Variants in DCC observed in about 807,000 individuals in gnomAD.
DCC encodes DCC netrin 1 receptor, also known as netrin receptor DCC.
DCC carries 58 observed loss-of-function variants against 172.5 expected under a neutral mutation model. That is an observed-to-expected ratio of 0.34 (90% CI 0.27 to 0.42). The LOEUF (loss-of-function observed/expected upper bound fraction) is 0.42, where lower values mean the gene tolerates loss of function less well. Ranked by LOEUF, DCC falls within the 10% of genes least tolerant of loss-of-function variation. DCC has a pLI of 1.00. For synonymous variants in DCC, 709 were observed against 644.5 expected, an observed-to-expected ratio of 1.10 and a Z score of -1.52; for missense variants, 1,740 against 1,791.0, an observed-to-expected ratio of 0.97 and a Z score of 0.51.
intron 7 of DCC, among the ~76,000 whole-genome samples, chr18:53,128,633 G>A (rs1302718665): frequency 6.6e-6 from 1 of 151,550 alleles, no homozygotes; most frequent in Non-Finnish European, 1.5e-5. Flanking sequence ...TAGTTTTATT[G>A]TTATTAAAGA....
intron 1 of DCC, among the ~76,000 whole-genome samples, chr18:52,648,990 A>T (rs376036660): frequency 6.6e-6 from 1 of 152,296 alleles, no homozygotes; most frequent in Admixed American, 6.5e-5. Context: ...CCATGCAGAA[A>T]AATGCACATT....
intron 15 of DCC, among the ~76,000 whole-genome samples, chr18:53,355,455 A>G (rs1234057232): frequency 6.6e-6 from 1 of 152,138 alleles, no homozygotes; most frequent in East Asian, 1.9e-4. Flanking sequence ...TTTGCTGAGC[A>G]GTGGTTTGTA....
intron 1 of DCC, among the ~76,000 whole-genome samples, chr18:52,664,463 TC>T (rs2035423579): frequency 7.4e-6 from 1 of 134,762 alleles, no homozygotes; most frequent in African/African-American, 2.8e-5. Flanking sequence ...TTTTTTCTTT[TC>T]TTTTTCTTTT....
chr18:52,659,256 C>A (rs2035312667), intron 1 of DCC, among the ~76,000 whole-genome samples: 1 of 152,036 alleles, frequency 6.6e-6, no homozygotes, highest in Non-Finnish European at 1.5e-5. Flanking sequence ...CAGAAATAAA[C>A]CTCTCATTTG....
intron 12 of DCC, among the ~76,000 whole-genome samples, chr18:53,217,318 C>CATGT (rs1279363858): frequency 1.3e-3 from 89 of 67,396 alleles, no homozygotes; most frequent in Non-Finnish European, 2.6e-3. Context: ...TATACACACA[C>CATGT]ACACACACAC....
At chr18:52,868,874 GCAGGAAGCTC>G (rs1340345388) in intron 2 of DCC, among the ~76,000 whole-genome samples, 1 of 152,200 alleles carries the variant, frequency 6.6e-6, no homozygotes, top group African/African-American at 2.4e-5. Flanking sequence ...CTGCCATGGG[GCAGGAAGCTC>G]CAGGTGCCAG....
chr18:52,529,727 A>C (rs2032091316), intron 1 of DCC, among the ~76,000 whole-genome samples: 1 of 152,232 alleles, frequency 6.6e-6, no homozygotes, highest in Admixed American at 6.5e-5. Context: ...TGCAGATATA[A>C]GAATTATCCT....
At chr18:53,382,365 C>A (rs1907827488) in intron 15 of DCC, among the ~76,000 whole-genome samples, 1 of 151,962 alleles carries the variant, frequency 6.6e-6, no homozygotes, top group African/African-American at 2.4e-5. Flanking sequence ...AAAAAGTGTA[C>A]TTTTTGATCT....
chr18:52,980,283 A>T (rs2041188786), intron 5 of DCC, among the ~76,000 whole-genome samples: 1 of 151,176 alleles, frequency 6.6e-6, no homozygotes. Context: ...ATTTTATTTT[A>T]TTTTTTTTTA....
chr18:52,413,349 A>C (rs1462716934), intron 1 of DCC, among the ~76,000 whole-genome samples: 1 of 151,478 alleles, frequency 6.6e-6, no homozygotes, highest in Non-Finnish European at 1.5e-5. Flanking sequence ...CTTTTTCTGT[A>C]GCTATGTCTA....
intron 1 of DCC, among the ~76,000 whole-genome samples, chr18:52,617,710 T>A (rs974872266): frequency 5.3e-5 from 8 of 152,308 alleles, no homozygotes; most frequent in African/African-American, 7.2e-5. Context: ...TACTTTTTTT[T>A]AAATATCACT....
intron 5 of DCC, among the ~76,000 whole-genome samples, chr18:52,974,586 A>C (rs547494388): frequency 6.6e-6 from 1 of 152,302 alleles, no homozygotes; most frequent in East Asian, 1.9e-4. Flanking sequence ...GTAGAATCTA[A>C]TGCAGGGAGG....
At chr18:52,864,710 T>C (rs923983828) in intron 2 of DCC, among the ~76,000 whole-genome samples, 3 of 147,248 alleles carry the variant, frequency 2.0e-5, no homozygotes, top group Admixed American at 6.9e-5. Flanking sequence ...CAGGCCCCAG[T>C]GTGTGTTGTT....
intron 2 of DCC, among the ~76,000 whole-genome samples, chr18:52,850,118 G>A (rs112648558): frequency 6.6e-6 from 1 of 152,156 alleles, no homozygotes; most frequent in East Asian, 1.9e-4. Context: ...TTAAGCTACA[G>A]ATTTATTTCT....
At chr18:52,463,141 T>A (rs1233417470) in intron 1 of DCC, among the ~76,000 whole-genome samples, 2 of 152,196 alleles carry the variant, frequency 1.3e-5, no homozygotes, top group Admixed American at 1.3e-4. Context: ...TTATATATAT[T>A]TTCTGTTTTA....
chr18:53,208,475 A>G (rs116896720), intron 11 of DCC, among the ~76,000 whole-genome samples: 1,590 of 149,810 alleles, frequency 0.011, 8 homozygotes, highest in Non-Finnish European at 0.016. Context: ...TCCCCCATCT[A>G]AAAGTGTGCA....
intron 5 of DCC, among the ~76,000 whole-genome samples, chr18:52,938,160 G>T (rs754284152): frequency 1.3e-5 from 2 of 152,114 alleles, no homozygotes; most frequent in African/African-American, 2.4e-5. Context: ...CTTGGCTGAG[G>T]TCAGTGACTC....
chr18:52,594,626 A>T (rs2033869408), intron 1 of DCC, among the ~76,000 whole-genome samples: 2 of 152,200 alleles, frequency 1.3e-5, no homozygotes, highest in African/African-American at 4.8e-5. Flanking sequence ...AAAGAGGTTT[A>T]ATTGGCTCAC....
intron 5 of DCC, among the ~76,000 whole-genome samples, chr18:52,969,583 CA>C (rs1374213346): frequency 1.7e-3 from 53 of 30,636 alleles, no homozygotes; most frequent in African/African-American, 3.0e-3. Flanking sequence ...CCCCGCCCCC[CA>C]CTCTCTCTCT....
Sources: allele counts gnomAD v4.1 joint callset (sites outside exome capture counted in the v4.1 genomes callset), GRCh38; gene constraint gnomAD v4.1.1; transcripts MANE v1.5; gene names NCBI Gene and HGNC (gene_info 2026-07-23, HGNC 2026-07-21).